ATP13A3: variants seen among roughly 807,000 people sequenced by gnomAD.
ATP13A3 encodes polyamine-transporting ATPase 13A3.
ATP13A3 carries 59 observed loss-of-function variants against 158.1 expected under a neutral mutation model. The ratio of observed to expected loss-of-function variants is 0.37; its 90% confidence interval spans 0.30 to 0.46. The LOEUF (loss-of-function observed/expected upper bound fraction) is 0.46, where lower values mean the gene tolerates loss of function less well. Ranked by LOEUF, ATP13A3 falls within the 20% of genes least tolerant of loss-of-function variation. The pLI, the probability that ATP13A3 is intolerant of heterozygous loss-of-function variation, is 1.00. For synonymous variants in ATP13A3, 491 were observed against 504.3 expected, an observed-to-expected ratio of 0.97 and a Z score of 0.35; for missense variants, 1,166 against 1,525.2, an observed-to-expected ratio of 0.76 and a Z score of 3.92.
At chr3:194,441,205 T>C in intron 16 of ATP13A3, 106 bp downstream of exon 16, 1 of 893,704 alleles carries the variant, frequency 1.1e-6, no homozygotes, top group Non-Finnish European at 1.7e-6. Flanking sequence ...GGGTACAAGA[T>C]AGACTGTCAT....
intron 2 of ATP13A3, among the ~76,000 whole-genome samples, chr3:194,476,993 A>G (rs1177491551): frequency 6.6e-6 from 1 of 152,106 alleles, no homozygotes; most frequent in African/African-American, 2.4e-5. Context: ...TGTCAACACC[A>G]TCTGCCATTC....
chr3:194,433,490 G>A (rs905428933), intron 21 of ATP13A3, among the ~76,000 whole-genome samples: 10 of 152,038 alleles, frequency 6.6e-5, no homozygotes, highest in East Asian at 1.9e-4. Flanking sequence ...TGATCCACCC[G>A]CCTCGGCCTC....
intron 20 of ATP13A3, among the ~76,000 whole-genome samples, chr3:194,435,631 G>A (rs192842282): frequency 8.2e-4 from 125 of 152,220 alleles, no homozygotes; most frequent in Non-Finnish European, 4.1e-4. Context: ...ATAGGCAGCC[G>A]GGTGCAGTGG....
chr3:194,458,474 C>T (rs963268977), intron 6 of ATP13A3, among the ~76,000 whole-genome samples: 11 of 152,162 alleles, frequency 7.2e-5, no homozygotes, highest in African/African-American at 4.8e-5. Flanking sequence ...CTGCAACCTC[C>T]GGCCCCCTGG....
At chr3:194,417,315 C>T (rs1715920773) in intron 31 of ATP13A3, among the ~76,000 whole-genome samples, 2 of 150,522 alleles carry the variant, frequency 1.3e-5, no homozygotes, top group South Asian at 2.1e-4. Flanking sequence ...CTCGTGAGGC[C>T]GAGGCAGGAG....
At chr3:194,462,050 G>T in intron 3 of ATP13A3, 90 bp downstream of exon 3, 1 of 1,283,444 alleles carries the variant, frequency 7.8e-7, no homozygotes. Flanking sequence ...TGCCGCCACT[G>T]TTGTTAATTG....
In ATP13A3 at chr3:194,472,980, A is replaced by C. The variant is rs78099257; in HGVS notation, c.-46-10744T>G. On this transcript the variant is annotated intron_variant, in intron 2 of 33. Transcript: ENST00000645319. ...ATACATAGACATAAAGATGGGGAAC[A>C]ATGGACACTGGCAATGACTAGATGA... Among the ~76,000 whole-genome samples, 324 of 152,276 alleles carry C rather than the reference A, an allele frequency of 2.1e-3. 2 individuals carry two copies. The highest frequency in any genetic ancestry group is 7.4e-3 in the African/African-American group (307 of 41,542).
At chr3:194,427,407 A>G (rs1433494248) in intron 28 of ATP13A3, among the ~76,000 whole-genome samples, 155 bp from the exon 29 acceptor site, 1 of 152,204 alleles carries the variant, frequency 6.6e-6, no homozygotes, top group East Asian at 1.9e-4. Flanking sequence ...CATATCGTAC[A>G]TATTTAAATA....
At chr3:194,459,613 T>C (rs1719491576) in intron 5 of ATP13A3, 72 bp from the exon 6 acceptor site, 6 of 1,278,306 alleles carry the variant, frequency 4.7e-6, no homozygotes, top group Non-Finnish European at 5.6e-6. Flanking sequence ...TTACTTCTAT[T>C]AACAGCTATA....
intron 27 of ATP13A3, 116 bp downstream of exon 27, chr3:194,429,562 G>A (rs752127706): frequency 9.4e-6 from 6 of 636,774 alleles, no homozygotes; most frequent in African/African-American, 1.9e-5. Flanking sequence ...AAATTTATAG[G>A]TACTACTCAC....
rs778586305 is a variant in ATP13A3, at chr3:194,431,769, T to C, written c.2369A>G (p.His790Arg). The part of the protein sequence containing the change: ...KDGKVAKINW[H>R]YADSLTQCSH... ...GCACTGCGTGAGGGAGTCTGCATAA[T>C]GCCAATTTATTTTGGCAACTTTCCC... Residue 790 changes from histidine (H) to arginine (R), a missense_variant, in exon 22 of 34, where the codon CAT (histidine) becomes CGT (arginine). Transcript: ENST00000645319. The C allele has an allele frequency of 6.2e-7, 1 of 1,613,238 alleles. No homozygotes were observed. Among genetic ancestry groups the C allele is most frequent in the Non-Finnish European group, 8.5e-7 (1 of 1,179,672 alleles).
intron 31 of ATP13A3, among the ~76,000 whole-genome samples, chr3:194,418,241 A>G (rs1716033578): frequency 6.6e-6 from 1 of 152,216 alleles, no homozygotes. Context: ...GAGTATCTTT[A>G]TAACTTTGAG....
chr3:194,416,695 G>A (rs1328496170), intron 31 of ATP13A3, among the ~76,000 whole-genome samples: 1 of 152,086 alleles, frequency 6.6e-6, no homozygotes, highest in African/African-American at 2.4e-5. Flanking sequence ...TAAAGACTGT[G>A]AAATGTCAGA....
chr3:194,408,354 TAC>T (rs1055412975), intron 33 of ATP13A3, among the ~76,000 whole-genome samples: 2 of 152,274 alleles, frequency 1.3e-5, no homozygotes, highest in Non-Finnish European at 2.9e-5. Flanking sequence ...ACTGTTAGAT[TAC>T]CACAGGAAAT....
intron 2 of ATP13A3, among the ~76,000 whole-genome samples, chr3:194,473,537 G>C (rs1720401413): frequency 6.6e-6 from 1 of 151,054 alleles, no homozygotes; most frequent in Admixed American, 6.6e-5. Context: ...TCTTAGGAGT[G>C]AATCTGTCCT....
Position 194,457,103 on chromosome 3 carries a change from T to C in ATP13A3, c.551A>G (p.His184Arg). 6.2e-7 allele frequency: 1 copy of C among 1,612,130 alleles called. No individual in the cohort carries two copies. The highest frequency in any genetic ancestry group is 8.5e-7 in the Non-Finnish European group (1 of 1,178,788). Reference protein sequence around the residue: ...KHSAGLTKGMHAYRKLLYGVN... With the variant: ...KHSAGLTKGMRAYRKLLYGVN... The stretch of plus-strand genomic sequence containing the variant: ...GTTGGATAAAAATTACCTGTAGGCA[T>C]GCATCCCCTTTGTCAGTCCTGCACT... The change falls in exon 7 of 34, where the codon CAT becomes CGT. Residue 184 changes from histidine to arginine, a missense_variant. Coordinates refer to ENST00000645319, the MANE Select transcript of ATP13A3 (RefSeq NM_001367549.1).
intron 2 of ATP13A3, among the ~76,000 whole-genome samples, chr3:194,470,331 C>A (rs188256824): frequency 1.3e-5 from 2 of 152,018 alleles, no homozygotes; most frequent in Non-Finnish European, 2.9e-5. Context: ...ACAAAATAAG[C>A]TATAATTAGG....
intron 29 of ATP13A3, among the ~76,000 whole-genome samples, chr3:194,425,797 T>G (rs952046676): frequency 6.6e-6 from 1 of 152,222 alleles, no homozygotes; most frequent in African/African-American, 2.4e-5. Flanking sequence ...TTTTTAATTT[T>G]GGGAGTAATT....
At chr3:194,454,638 T>C (rs368937376) in intron 8 of ATP13A3, among the ~76,000 whole-genome samples, 28 of 151,896 alleles carry the variant, frequency 1.8e-4, no homozygotes, top group Admixed American at 4.6e-4. Context: ...ACATCCTGGC[T>C]AACACGGTGA....
Sources: allele counts gnomAD v4.1 joint callset (sites outside exome capture counted in the v4.1 genomes callset), GRCh38; gene constraint gnomAD v4.1.1; transcripts MANE v1.5; gene names NCBI Gene and HGNC (gene_info 2026-07-23, HGNC 2026-07-21).